CYP51A1: variants seen among roughly 807,000 people sequenced by gnomAD.
The protein encoded by CYP51A1 is cytochrome P450 family 51 subfamily A member 1, also known as lanosterol 14-alpha demethylase.
A neutral mutation model predicts 53.5 loss-of-function variants in CYP51A1; 45 were observed. The observed-to-expected ratio is 0.84, with a 90% CI of 0.66 to 1.08. The LOEUF (loss-of-function observed/expected upper bound fraction) is 1.08, where lower values mean the gene tolerates loss of function less well. Among genes scored for constraint, CYP51A1 ranks in the 50% least tolerant of loss-of-function variants. The probability of loss-of-function intolerance (pLI) is 0.00; values close to 1 mark genes in which losing one functional copy is unlikely to be tolerated. For synonymous variants in CYP51A1, 181 were observed against 217.7 expected, an observed-to-expected ratio of 0.83 and a Z score of 1.48; for missense variants, 462 against 621.7, an observed-to-expected ratio of 0.74 and a Z score of 2.73.
chr7:92,115,598 G>A (rs1049688781), intron 9 of CYP51A1, among the ~76,000 whole-genome samples: 4 of 152,088 alleles, frequency 2.6e-5, no homozygotes, highest in Admixed American at 1.3e-4. Flanking sequence ...AACTGTGATA[G>A]AATATATTTC....
Position 92,115,287 on chromosome 7 carries a change from T to A in CYP51A1, c.1352-1444A>T, listed in dbSNP as rs191879015. Among the ~76,000 whole-genome samples, 6 of 152,340 alleles carry A rather than the reference T, an allele frequency of 3.9e-5. No individual in the cohort carries two copies. In the East Asian group the frequency reaches 1.2e-3, roughly 29 times the overall value. On this transcript the variant is annotated intron_variant, in intron 9 of 9. Coordinates refer to ENST00000003100, the MANE Select transcript of CYP51A1 (RefSeq NM_000786.4). ...GTCCATCCAGAACCTTAGAATGTGA[T>A]CTTAATTGGGAAATAGGATCTTTAT... is the stretch of plus-strand genomic sequence containing the variant.
rs1584634479 is a variant in CYP51A1 at position 92,123,912 on chromosome 7, A to G, written c.771-59T>C. On this transcript the variant is annotated intron_variant, in intron 5 of 9. Transcript: ENST00000003100. ...TAAAGAAATAACCTTCTAGGATCAA[A>G]TTCATTTTGAGAACCAGGACCGAGC... The G allele has an allele frequency of 3.4e-5, 48 of 1,414,664 alleles. 1 individual carries two copies. In the East Asian group the frequency reaches 1.2e-3, roughly 35 times the overall value. The allele number at this position is 1,414,664 out of a possible 1,614,324, so 87.6% of individuals were successfully genotyped here. A position where few individuals can be genotyped will look rare whatever the true frequency, so the allele number is the denominator to read the frequency against.
chr7:92,134,570 AC>A, upstream of CYP51A1: 1 of 563,566 alleles, frequency 1.8e-6, no homozygotes, highest in South Asian at 2.3e-5. Flanking sequence ...CTTAAATAAC[AC>A]TCTGTGAAGC....
chr7:92,118,761 A>AT, intron 7 of CYP51A1, 146 bp from the exon 8 acceptor site: 1 of 598,864 alleles, frequency 1.7e-6, no homozygotes, highest in South Asian at 1.9e-5. Flanking sequence ...TGGGGTTATC[A>AT]TGCTCTACCA....
At position 92,117,213 on chromosome 7, in the gene CYP51A1, C is replaced by CTA. The variant is rs1404508044; in HGVS notation, c.1183-3_1183-2dup. On this transcript the variant is annotated splice_acceptor_variant, in intron 8 of 9. Transcript: ENST00000003100. LOFTEE classifies it high-confidence loss of function. ...GAGGAATGGTATACCCTGCCACAGT[C>CTA]TATAAACAAAAGCCACACATTTCAT... 1 of 1,606,502 alleles carries CTA rather than the reference C, an allele frequency of 6.2e-7. No homozygotes were observed. Among genetic ancestry groups the CTA allele is most frequent in the South Asian group, 1.1e-5 (1 of 89,058 alleles).
At chr7:92,125,299 G>A (rs1017771320) in intron 5 of CYP51A1, among the ~76,000 whole-genome samples, 6 of 152,072 alleles carry the variant, frequency 3.9e-5, no homozygotes, top group African/African-American at 1.4e-4. Flanking sequence ...GAGAACTTTA[G>A]GGAATCTCTC....
At chr7:92,115,631 T>G (rs1167659006) in intron 9 of CYP51A1, among the ~76,000 whole-genome samples, 1 of 152,174 alleles carries the variant, frequency 6.6e-6, no homozygotes, top group African/African-American at 2.4e-5. Flanking sequence ...CCACCCATAT[T>G]GTAATTAGTT....
chr7:92,131,835 A>G lies in CYP51A1; in HGVS notation c.230T>C (p.Leu77Pro). 3.7e-6 allele frequency: 6 copies of G among 1,601,060 alleles called. No individual in the cohort carries two copies. The highest frequency in any genetic ancestry group is 5.1e-6 in the Non-Finnish European group (6 of 1,170,040). The change falls in exon 2 of 10, where the codon CTT becomes CCT. Residue 77 changes from leucine to proline, a missense_variant. Coordinates refer to ENST00000003100, the MANE Select transcript of CYP51A1 (RefSeq NM_000786.4). ...PPYIFSPIPF[L>P]GHAIAFGKSP... ...TTTCCCAAATGCTATGGCATGCCCA[A>G]GGAATGGAATTGGGGAGAAAATGTA...
intron 5 of CYP51A1, among the ~76,000 whole-genome samples, chr7:92,124,913 G>A (rs1179876613): frequency 6.6e-6 from 1 of 152,146 alleles, no homozygotes; most frequent in Non-Finnish European, 1.5e-5. Flanking sequence ...GGAGGCCGAG[G>A]CGGGCGGATC....
intron 2 of CYP51A1, among the ~76,000 whole-genome samples, chr7:92,129,679 T>C (rs1335167771): frequency 1.3e-5 from 2 of 152,102 alleles, no homozygotes; most frequent in Non-Finnish European, 2.9e-5. Flanking sequence ...TGAAAAAAAA[T>C]ACTGTCCCAA....
chr7:92,133,595 G>A (rs1819969533), intron 1 of CYP51A1, among the ~76,000 whole-genome samples: 1 of 152,068 alleles, frequency 6.6e-6, no homozygotes, highest in Non-Finnish European at 1.5e-5. Context: ...TAGCATCAGA[G>A]GAAGGCCCTT....
At chr7:92,130,722 A>G (rs1323419657) in intron 2 of CYP51A1, among the ~76,000 whole-genome samples, 2 of 152,238 alleles carry the variant, frequency 1.3e-5, no homozygotes, top group African/African-American at 2.4e-5. Flanking sequence ...GAATGTTTTA[A>G]TAATTGTCTC....
At chr7:92,119,181 A>G (rs922099137) in intron 7 of CYP51A1, among the ~76,000 whole-genome samples, 2 of 152,196 alleles carry the variant, frequency 1.3e-5, no homozygotes, top group African/African-American at 4.8e-5. Context: ...TGAGATGGTG[A>G]TATCAGTTGG....
chr7:92,134,139 C>T (rs368621252), intron 1 of CYP51A1, 34 bp downstream of exon 1: 2 of 1,601,946 alleles, frequency 1.2e-6, no homozygotes, highest in African/African-American at 2.7e-5. Context: ...AGCTGCGGCG[C>T]GCGCCCCACT....
rs1324317071 is a variant in CYP51A1 at position 92,113,551 on chromosome 7, T to C, written c.*114A>G. 4.1e-6 allele frequency: 4 copies of C among 964,278 alleles called. No individual in the cohort carries two copies. The highest frequency in any genetic ancestry group is 6.3e-6 in the Non-Finnish European group (4 of 639,594). The allele number at this position is 964,278 out of a possible 1,614,324, so 59.7% of individuals were successfully genotyped here. On this transcript the variant is annotated 3_prime_UTR_variant, in exon 10 of 10. Coordinates refer to ENST00000003100, the MANE Select transcript of CYP51A1 (RefSeq NM_000786.4). Reference sequence around the variant, plus strand: ...CTAAATCATAAACTGGCTTTTAGAATTACACACTTAAAAAAACAGTAAACT... The same window carrying C: ...CTAAATCATAAACTGGCTTTTAGAACTACACACTTAAAAAAACAGTAAACT...
At chr7:92,115,511 A>G (rs1243542727) in intron 9 of CYP51A1, among the ~76,000 whole-genome samples, 1 of 152,226 alleles carries the variant, frequency 6.6e-6, no homozygotes, top group Non-Finnish European at 1.5e-5. Flanking sequence ...GGAAGATGCA[A>G]GGAAGGATTC....
chr7:92,122,432 A>T (rs1270498441), intron 7 of CYP51A1, among the ~76,000 whole-genome samples: 1 of 152,062 alleles, frequency 6.6e-6, no homozygotes, highest in Non-Finnish European at 1.5e-5. Context: ...ATGAATATAG[A>T]TGCAAAAATC....
chr7:92,130,399 T>C (rs989693114), intron 2 of CYP51A1, among the ~76,000 whole-genome samples: 4 of 152,220 alleles, frequency 2.6e-5, no homozygotes, highest in Non-Finnish European at 5.9e-5. Context: ...TTTTCCATTA[T>C]TGTTATCATT....
At chr7:92,117,874 G>T (rs539889685) in intron 8 of CYP51A1, among the ~76,000 whole-genome samples, 31 of 151,954 alleles carry the variant, frequency 2.0e-4, no homozygotes, top group African/African-American at 7.0e-4. Flanking sequence ...TGTAATCCCA[G>T]CTACTTGGGA....
Sources: allele counts gnomAD v4.1 joint callset (sites outside exome capture counted in the v4.1 genomes callset), GRCh38; gene constraint gnomAD v4.1.1; transcripts MANE v1.5; gene names NCBI Gene and HGNC (gene_info 2026-07-23, HGNC 2026-07-21).